The following GRM5 variants were observed in gnomAD, a reference collection of about 807,000 sequenced individuals.
GRM5 encodes the protein metabotropic glutamate receptor 5.
In GRM5, 19 loss-of-function variants were observed where a neutral mutation model predicts 83.1. That is an observed-to-expected ratio of 0.23 (90% confidence interval 0.16 to 0.34). The LOEUF (loss-of-function observed/expected upper bound fraction) is 0.34. Ranked by LOEUF, GRM5 falls within the 10% of genes least tolerant of loss-of-function variation. The pLI is 1.00. For missense variants in GRM5, 1,160 were observed against 1,588.3 expected, an observed-to-expected ratio of 0.73 and a Z score of 4.58; for synonymous variants, 675 against 633.6, an observed-to-expected ratio of 1.07 and a Z score of -0.98.
chr11:88,536,283 CAA>C (rs953306101), intron 8 of GRM5, among the ~76,000 whole-genome samples: 118 of 152,202 alleles, frequency 7.8e-4, no homozygotes, highest in South Asian at 1.7e-3. Flanking sequence ...GTCACACACA[CAA>C]AAAAGAAAAT....
chr11:88,763,387 T>C (rs1405594373), intron 3 of GRM5, among the ~76,000 whole-genome samples: 1 of 151,858 alleles, frequency 6.6e-6, no homozygotes, highest in Non-Finnish European at 1.5e-5. Flanking sequence ...TTACTACCAT[T>C]GTAACAATGG....
At chr11:88,963,378 A>C (rs1324489886) in intron 2 of GRM5, among the ~76,000 whole-genome samples, 2 of 152,204 alleles carry the variant, frequency 1.3e-5, no homozygotes, top group Non-Finnish European at 2.9e-5. Context: ...AGCCTCACTA[A>C]CCATACAGTT....
chr11:88,736,066 T>C (rs574275627), intron 3 of GRM5, among the ~76,000 whole-genome samples: 1 of 152,196 alleles, frequency 6.6e-6, no homozygotes, highest in African/African-American at 2.4e-5. Context: ...AGATAATCAT[T>C]TGTGGTCAAC....
intron 3 of GRM5, among the ~76,000 whole-genome samples, chr11:88,779,952 T>C (rs1382878784): frequency 6.6e-6 from 1 of 152,132 alleles, no homozygotes; most frequent in Non-Finnish European, 1.5e-5. Context: ...TATGTTCCAG[T>C]CATTTTGTTT....
intron 2 of GRM5, among the ~76,000 whole-genome samples, chr11:88,859,366 T>TA (rs1944525997): frequency 2.0e-5 from 3 of 151,816 alleles, no homozygotes; most frequent in African/African-American, 7.3e-5. Flanking sequence ...TGGAACAGAG[T>TA]AAGCACTGAA....
At chr11:88,984,067 A>G (rs1204760250) in intron 2 of GRM5, among the ~76,000 whole-genome samples, 1 of 152,226 alleles carries the variant, frequency 6.6e-6, no homozygotes, top group Non-Finnish European at 1.5e-5. Context: ...AAGTTTATAA[A>G]GTAAAAAAGT....
intron 3 of GRM5, among the ~76,000 whole-genome samples, chr11:88,810,221 C>A (rs540623999): frequency 6.3e-4 from 96 of 151,894 alleles, no homozygotes; most frequent in Non-Finnish European, 7.2e-4. Context: ...CTATGTATGG[C>A]AGTAACACTG....
chr11:88,823,996 G>A (rs184991040), intron 3 of GRM5, among the ~76,000 whole-genome samples: 1 of 152,196 alleles, frequency 6.6e-6, no homozygotes, highest in African/African-American at 2.4e-5. Context: ...ACAGATTTCC[G>A]AGCTTTTGGA....
At chr11:88,868,857 T>C (rs1468119495) in intron 2 of GRM5, among the ~76,000 whole-genome samples, 1 of 151,780 alleles carries the variant, frequency 6.6e-6, no homozygotes, top group Non-Finnish European at 1.5e-5. Flanking sequence ...GGGATCTTAA[T>C]AGCTAAAGCA....
At chr11:88,524,270 T>C (rs964091371) in intron 9 of GRM5, among the ~76,000 whole-genome samples, 11 of 142,278 alleles carry the variant, frequency 7.7e-5, no homozygotes, top group African/African-American at 3.0e-4. Flanking sequence ...CAGGTTGGAG[T>C]GCAATGGCAT....
rs76632264 is a variant in GRM5, at chr11:88,906,103, C to T, written c.662-55948G>A. 7.9e-3 allele frequency among the ~76,000 whole-genome samples: 1,197 copies of T among 152,182 alleles called. 20 individuals are homozygous for T. Among genetic ancestry groups the T allele is most frequent in the African/African-American group, 0.027 (1,130 of 41,528 alleles). The stretch of plus-strand genomic sequence containing the variant: ...TATTGGTTACCTTCTGTTTTGTAAA[C>T]GCAAATTAATTTTACAGTGTCTCTC... On this transcript the variant is annotated intron_variant, in intron 2 of 9. Transcript: ENST00000305447.
chr11:88,764,116 G>C (rs1030722674), intron 3 of GRM5, among the ~76,000 whole-genome samples: 2 of 151,632 alleles, frequency 1.3e-5, no homozygotes. Context: ...AGTGTCACAT[G>C]AGACAAGAAG....
intron 1 of GRM5, chr11:89,063,576 C>T (rs1459616062): frequency 1.3e-5 from 2 of 152,292 alleles, no homozygotes; most frequent in East Asian, 1.9e-4. Context: ...CCGGCCTCTC[C>T]AGTCCCCGGC....
chr11:88,557,359 ATTAAT>A (rs1333135555), intron 8 of GRM5, among the ~76,000 whole-genome samples: 1 of 152,146 alleles, frequency 6.6e-6, no homozygotes, highest in Non-Finnish European at 1.5e-5. Flanking sequence ...CATAGCACAG[ATTAAT>A]TTATCTCTTC....
chr11:88,730,875 G>A (rs1017216481), intron 3 of GRM5, among the ~76,000 whole-genome samples: 1 of 152,066 alleles, frequency 6.6e-6, no homozygotes. Flanking sequence ...TCAGGGAGTC[G>A]GGGGCTAGGG....
intron 2 of GRM5, among the ~76,000 whole-genome samples, chr11:88,990,979 T>C (rs1383993872): frequency 6.6e-6 from 1 of 152,092 alleles, no homozygotes; most frequent in East Asian, 1.9e-4. Flanking sequence ...CTCTCACCAC[T>C]CCTATTCAAC....
intron 2 of GRM5, among the ~76,000 whole-genome samples, chr11:88,878,757 A>C (rs549742077): frequency 3.9e-5 from 6 of 152,200 alleles, no homozygotes; most frequent in Non-Finnish European, 8.8e-5. Context: ...ATCATCAATA[A>C]AGAGAAACAA....
chr11:88,760,333 A>AG (rs1942485587), intron 3 of GRM5, among the ~76,000 whole-genome samples: 1 of 151,164 alleles, frequency 6.6e-6, no homozygotes. Flanking sequence ...TAGACTAATA[A>AG]AGAGAAGATC....
chr11:88,849,769 C>T lies in GRM5; in HGVS notation c.911+137G>A, dbSNP rs868175146. The stretch of plus-strand genomic sequence containing the variant: ...CCATGATTTTCTCCAGGCACAGGTG[C>T]GTTATGAAATTTAAGCTCTATTTCC... On this transcript the variant is annotated intron_variant, in intron 3 of 9. Transcript: ENST00000305447. The T allele has an allele frequency of 3.4e-5, 27 of 791,688 alleles. No individual in the cohort carries two copies. The African/African-American group carries it at 3.4e-4, about 10-fold the overall frequency. The allele number at this position is 791,688 out of a possible 1,614,324, so 49.0% of individuals were successfully genotyped here.
Sources: allele counts gnomAD v4.1 joint callset (sites outside exome capture counted in the v4.1 genomes callset), GRCh38; gene constraint gnomAD v4.1.1; transcripts MANE v1.5; gene names NCBI Gene and HGNC (gene_info 2026-07-23, HGNC 2026-07-21).